The following CLEC1B variants were observed in gnomAD, a reference collection of about 807,000 sequenced individuals.
CLEC1B encodes the protein C-type lectin domain family 1 member B.
Under a neutral mutation model 26.7 loss-of-function variants are expected in CLEC1B, and 26 were observed. That is an observed-to-expected ratio of 0.97 (90% CI 0.71 to 1.35). The LOEUF (loss-of-function observed/expected upper bound fraction) is 1.35. Among genes scored for constraint, CLEC1B ranks in the 40% most tolerant of loss-of-function variants. The pLI is 0.00. For synonymous variants in CLEC1B, 112 were observed against 96.0 expected, an observed-to-expected ratio of 1.17 and a Z score of -0.97; for missense variants, 293 against 282.6, an observed-to-expected ratio of 1.04 and a Z score of -0.26.
chr12:9,996,678 T>A, intron 4 of CLEC1B, 168 bp downstream of exon 4: 2 of 739,878 alleles, frequency 2.7e-6, no homozygotes, highest in South Asian at 1.5e-5. Flanking sequence ...ATATTATGAG[T>A]GGATTGAATA....
intron 5 of CLEC1B, among the ~76,000 whole-genome samples, chr12:9,994,066 A>G (rs1039412334): frequency 6.6e-6 from 1 of 152,052 alleles, no homozygotes; most frequent in African/African-American, 2.4e-5. Context: ...ACAGTGGTGG[A>G]CTGTATGGAT....
At chr12:9,997,304 T>G (rs1435929873) in intron 2 of CLEC1B, 25 bp from the exon 3 acceptor site, 1 of 1,583,132 alleles carries the variant, frequency 6.3e-7, no homozygotes, top group South Asian at 1.1e-5. Flanking sequence ...TAAATAATAA[T>G]AATTTGTAAT....
At position 9,995,037 on chromosome 12, in the gene CLEC1B, C is replaced by T. The variant is rs558675817; in HGVS notation, c.545+103G>A. 10 of 1,584,278 alleles carry T rather than the reference C, an allele frequency of 6.3e-6. No homozygotes were observed. The South Asian group carries it at 1.1e-4, about 18-fold the overall frequency. ...AATTAGCAGGTAAGTGACCCAGCTG[C>T]TGCTTCTATAACCCATAGTAGTGAC... On this transcript the variant is annotated intron_variant, in intron 5 of 5. Transcript: ENST00000298527.
At chr12:9,997,386 G>A in intron 2 of CLEC1B, 107 bp from the exon 3 acceptor site, 2 of 944,654 alleles carry the variant, frequency 2.1e-6, no homozygotes, top group Non-Finnish European at 3.1e-6. Flanking sequence ...TATATGAGGA[G>A]TTTACTAGAT....
Position 9,995,258 on chromosome 12 carries a change from A to G in CLEC1B, c.439-12T>C, listed in dbSNP as rs2137237081. The G allele has an allele frequency of 1.3e-6, 2 of 1,597,902 alleles. No individual in the cohort carries two copies. Among genetic ancestry groups the G allele is most frequent in the Non-Finnish European group, 8.6e-7 (1 of 1,165,722 alleles). On this transcript the variant is annotated splice_polypyrimidine_tract_variant and intron_variant, in intron 4 of 5. Coordinates refer to ENST00000298527, the MANE Select transcript of CLEC1B (RefSeq NM_016509.4). ...GCTTTGATGTACTCCTATTGTAAAC[A>G]TAAATAAACACAATGGTCAGAATCC...
upstream of CLEC1B, chr12:9,999,300 C>T: frequency 2.4e-6 from 1 of 421,676 alleles, no homozygotes; most frequent in Non-Finnish European, 4.2e-6. Flanking sequence ...GATACATGGA[C>T]CTTGAACACA....
At chr12:9,998,113 G>T (rs1289353295) in intron 2 of CLEC1B, among the ~76,000 whole-genome samples, 169 bp downstream of exon 2, 2 of 151,964 alleles carry the variant, frequency 1.3e-5, no homozygotes, top group Admixed American at 6.6e-5. Flanking sequence ...TAATCACAAG[G>T]AAACAGTCAG....
intron 5 of CLEC1B, among the ~76,000 whole-genome samples, chr12:9,994,445 T>A (rs1211921034): frequency 6.6e-6 from 1 of 152,110 alleles, no homozygotes; most frequent in Non-Finnish European, 1.5e-5. Flanking sequence ...AATAATCAGA[T>A]TATATAAGTT....
intron 5 of CLEC1B, among the ~76,000 whole-genome samples, chr12:9,994,069 G>A (rs534179866): frequency 1.3e-5 from 2 of 152,206 alleles, no homozygotes; most frequent in South Asian, 2.1e-4. Flanking sequence ...GTGGTGGACT[G>A]TATGGATATG....
chr12:9,998,908 T>A (rs1158744321), intron 1 of CLEC1B, 129 bp downstream of exon 1: 7 of 590,058 alleles, frequency 1.2e-5, no homozygotes, highest in Non-Finnish European at 2.0e-5. Flanking sequence ...ACTCAAATGC[T>A]TTAGAGCATT....
At chr12:9,996,485 A>G (rs1865050499) in intron 4 of CLEC1B, among the ~76,000 whole-genome samples, 3 of 152,138 alleles carry the variant, frequency 2.0e-5, no homozygotes, top group Non-Finnish European at 2.9e-5. Flanking sequence ...GTAACTGGAT[A>G]TCTTCCGTAT....
intron 4 of CLEC1B, 133 bp downstream of exon 4, chr12:9,996,713 G>A (rs1865056698): frequency 2.3e-6 from 2 of 883,590 alleles, no homozygotes; most frequent in South Asian, 1.3e-5. Context: ...TTCTTACTAG[G>A]TTTCACAAGG....
chr12:9,998,564 T>G (rs7980696), intron 1 of CLEC1B, among the ~76,000 whole-genome samples, 184 bp from the exon 2 acceptor site: 1 of 80,628 alleles, frequency 1.2e-5, no homozygotes, highest in Non-Finnish European at 2.8e-5. Context: ...CCCTATACCA[T>G]ACATCCATTC....
upstream of CLEC1B, among the ~76,000 whole-genome samples, chr12:10,001,826 T>G (rs928465863): frequency 6.6e-6 from 1 of 152,138 alleles, no homozygotes; most frequent in African/African-American, 2.4e-5. Context: ...TGCTTGAATA[T>G]CTTATTCTCT....
At chr12:9,996,397 A>C (rs2137240075) in intron 4 of CLEC1B, among the ~76,000 whole-genome samples, 1 of 152,320 alleles carries the variant, frequency 6.6e-6, no homozygotes, top group Non-Finnish European at 1.5e-5. Context: ...ATATGTCTCG[A>C]ATTAATCTCT....
At chr12:9,999,369 CT>C (rs141897222), upstream of CLEC1B, 1,025 of 292,378 alleles carry the variant, frequency 3.5e-3, 1 homozygote, top group African/African-American at 9.9e-3. Flanking sequence ...TTGCTTCCTG[CT>C]TTTTTTTTAT....
rs76115705 is a variant in CLEC1B at position 9,993,415 on chromosome 12, A to C, written c.546-128T>G. On this transcript the variant is annotated intron_variant, in intron 5 of 5. Transcript: ENST00000298527. ...AAATAGGAAAAAAAAACAAAAAAAA[A>C]AACGATTCTCATTGTTGAGAAAGTT... 73 of 681,824 alleles carry C rather than the reference A, an allele frequency of 1.1e-4. 3 individuals carry two copies. The highest frequency in any genetic ancestry group is 1.3e-4 in the Non-Finnish European group (53 of 408,122). 42.2% of individuals were successfully genotyped at this position (681,824 alleles called of 1,614,324 possible). A position where few individuals can be genotyped will look rare whatever the true frequency, so the allele number is the denominator to read the frequency against.
At chr12:10,001,628 C>T (rs938621685), upstream of CLEC1B, among the ~76,000 whole-genome samples, 2 of 152,184 alleles carry the variant, frequency 1.3e-5, no homozygotes, top group African/African-American at 4.8e-5. Flanking sequence ...TTTGCTCCCT[C>T]CCCACATTCT....
At chr12:10,001,661 A>G (rs1051940470), upstream of CLEC1B, among the ~76,000 whole-genome samples, 4 of 152,230 alleles carry the variant, frequency 2.6e-5, no homozygotes, top group African/African-American at 7.2e-5. Context: ...TGAGTTACTC[A>G]GCAAAAATTA....
Sources: allele counts gnomAD v4.1 joint callset (sites outside exome capture counted in the v4.1 genomes callset), GRCh38; gene constraint gnomAD v4.1.1; transcripts MANE v1.5; gene names NCBI Gene and HGNC (gene_info 2026-07-23, HGNC 2026-07-21).